Variants in RB1 observed in about 807,000 individuals in gnomAD.
RB1 encodes the protein RB transcriptional corepressor 1.
RB1 carries 18 observed loss-of-function variants against 135.4 expected under a neutral mutation model. The ratio of observed to expected loss-of-function variants is 0.13; its 90% CI spans 0.09 to 0.20. RB1 has a LOEUF of 0.20. Ranked by LOEUF, RB1 falls within the 10% of genes least tolerant of loss-of-function variation. The pLI, the probability that RB1 is intolerant of heterozygous loss-of-function variation, is 1.00. For synonymous variants in RB1, 365 were observed against 373.2 expected (o/e 0.98, Z 0.25); for missense variants, 868 against 1,110.0 (o/e 0.78, Z 3.10).
At chr13:48,463,633 C>G (rs1949418803) in intron 20 of RB1, 98 bp from the exon 21 acceptor site, 4 of 803,820 alleles carry the variant, frequency 5.0e-6, no homozygotes, top group Admixed American at 3.8e-5. Flanking sequence ...GTAGATTAAA[C>G]CTTTCTTTTT....
intron 8 of RB1, among the ~76,000 whole-genome samples, chr13:48,363,625 TG>T (rs1952664497): frequency 6.6e-6 from 1 of 152,192 alleles, no homozygotes; most frequent in African/African-American, 2.4e-5. Flanking sequence ...TTTAGTTTAG[TG>T]ATAAGTGATA....
intron 17 of RB1, among the ~76,000 whole-genome samples, chr13:48,397,197 A>G (rs893381746): frequency 6.6e-6 from 1 of 152,246 alleles, no homozygotes; most frequent in African/African-American, 2.4e-5. Flanking sequence ...ATGCACACAT[A>G]TGTTTATTGC....
chr13:48,304,005 G>A lies in RB1; in HGVS notation c.93G>A (p.Glu31=). The stretch of plus-strand genomic sequence containing the variant: ...CGCCGCCGCCGCCCCCTCCTGAGGA[G>A]GACCCAGAGCAGGACAGCGGCCCGG... ...PAPPPPPPPE[E]DPEQDSGPED... The change falls in exon 1 of 27, where the codon GAG becomes GAA. Residue 31 remains glutamate (E), a synonymous_variant. Coordinates refer to ENST00000267163, the MANE Select transcript of RB1 (RefSeq NM_000321.3). 1 of 1,496,850 alleles carries A rather than the reference G, an allele frequency of 6.7e-7. No homozygotes were observed. Among genetic ancestry groups the A allele is most frequent in the Non-Finnish European group, 8.8e-7 (1 of 1,131,436 alleles). The allele number at this position is 1,496,850 out of a possible 1,614,324, so 92.7% of individuals were successfully genotyped here. A position where few individuals can be genotyped will look rare whatever the true frequency, so the allele number is the denominator to read the frequency against.
At chr13:48,345,510 T>G (rs1001724199) in intron 4 of RB1, among the ~76,000 whole-genome samples, 2 of 152,162 alleles carry the variant, frequency 1.3e-5, no homozygotes, top group African/African-American at 4.8e-5. Context: ...AATGGTGACA[T>G]AAATTTAAAC....
At chr13:48,316,782 CACGG>C in intron 2 of RB1, 1 of 166,452 alleles carries the variant, frequency 6.0e-6, no homozygotes, top group Non-Finnish European at 1.2e-5. Flanking sequence ...CACACACACA[CACGG>C]ATACACGCAC....
chr13:48,323,150 G>T (rs1395401639), intron 2 of RB1, among the ~76,000 whole-genome samples: 2 of 151,830 alleles, frequency 1.3e-5, no homozygotes, highest in Non-Finnish European at 2.9e-5. Context: ...ATCTGGGCCT[G>T]GACTTTTCTC....
intron 21 of RB1, 42 bp from the exon 22 acceptor site, chr13:48,464,956 T>C: frequency 1.4e-6 from 2 of 1,433,050 alleles, no homozygotes; most frequent in Non-Finnish European, 1.9e-6. Context: ...AAGTAAATTT[T>C]ACTTTTTTTT....
At chr13:48,474,281 A>G (rs867926614) in intron 24 of RB1, among the ~76,000 whole-genome samples, 2 of 152,054 alleles carry the variant, frequency 1.3e-5, no homozygotes, top group South Asian at 2.1e-4. Flanking sequence ...CCAAGCTTCT[A>G]CTCAAGACTT....
intron 23 of RB1, among the ~76,000 whole-genome samples, chr13:48,466,017 A>G (rs1949440900): frequency 6.7e-6 from 1 of 148,856 alleles, no homozygotes. Flanking sequence ...GCTTAGGTAA[A>G]CAAAGCAGCC....
At chr13:48,314,084 T>C (rs918602409) in intron 2 of RB1, among the ~76,000 whole-genome samples, 1 of 152,180 alleles carries the variant, frequency 6.6e-6, no homozygotes, top group Non-Finnish European at 1.5e-5. Context: ...TACTGTTTTG[T>C]AGTATGTTTT....
chr13:48,381,485 T>G (rs879612677), intron 17 of RB1, 42 bp downstream of exon 17: 10 of 1,579,346 alleles, frequency 6.3e-6, no homozygotes, highest in Non-Finnish European at 7.8e-6. Context: ...CATGTGCATA[T>G]GGCTAACAAA....
At chr13:48,411,795 G>A (rs1566211795) in intron 17 of RB1, 1 of 1,612,786 alleles carries the variant, frequency 6.2e-7, no homozygotes, top group Non-Finnish European at 8.5e-7. Context: ...TTTGGTTAAA[G>A]TTTTTAGCAC....
At chr13:48,312,147 A>G (rs1354271647) in intron 2 of RB1, among the ~76,000 whole-genome samples, 1 of 152,164 alleles carries the variant, frequency 6.6e-6, no homozygotes, top group Admixed American at 6.5e-5. Flanking sequence ...CCACATATCG[A>G]TTCCACTTTT....
intron 11 of RB1, among the ~76,000 whole-genome samples, chr13:48,370,264 CTT>C (rs886255618): frequency 1.3e-5 from 2 of 152,154 alleles, no homozygotes; most frequent in African/African-American, 4.8e-5. Flanking sequence ...ACACAGAAGA[CTT>C]TTGTGACCAA....
At chr13:48,342,312 A>G (rs1003675932) in intron 2 of RB1, among the ~76,000 whole-genome samples, 1 of 151,952 alleles carries the variant, frequency 6.6e-6, no homozygotes, top group Non-Finnish European at 1.5e-5. Context: ...AAATGAAACT[A>G]TTTTGAGGAA....
intron 17 of RB1, among the ~76,000 whole-genome samples, chr13:48,430,648 G>A (rs1184421827): frequency 6.6e-6 from 1 of 152,206 alleles, no homozygotes; most frequent in Admixed American, 6.5e-5. Flanking sequence ...GCTGAGGCAG[G>A]AGAATGGCTT....
intron 17 of RB1, among the ~76,000 whole-genome samples, chr13:48,393,054 A>G (rs1368740386): frequency 6.6e-6 from 1 of 152,180 alleles, no homozygotes; most frequent in African/African-American, 2.4e-5. Flanking sequence ...TACTCTACTG[A>G]ATATCCCATA....
chr13:48,465,222 A>C lies in RB1; in HGVS notation c.2343A>C (p.Pro781=). ...YASTRPPTLS[P]IPHIPRSPYK... ...TGCTCTAGCCCCCTACCTTGTCACC[A>C]ATACCTCACATTCCTCGAAGCCCTT... The change falls in exon 23 of 27, where the codon CCA becomes CCC. Residue 781 remains proline (P), a synonymous_variant. Coordinates refer to ENST00000267163, the MANE Select transcript of RB1 (RefSeq NM_000321.3). 1.2e-6 allele frequency: 2 copies of C among 1,613,988 alleles called. No homozygotes were observed. The highest frequency in any genetic ancestry group is 1.7e-6 in the Non-Finnish European group (2 of 1,179,948).
chr13:48,339,188 G>A (rs542391420), intron 2 of RB1, among the ~76,000 whole-genome samples: 17 of 152,266 alleles, frequency 1.1e-4, no homozygotes, highest in Admixed American at 5.9e-4. Flanking sequence ...GAACCACTAC[G>A]CTCTTCAAAG....
Sources: gnomAD v4.1 joint callset for allele counts (sites outside exome capture counted in the v4.1 genomes callset) on GRCh38, gnomAD v4.1.1 for gene constraint, MANE v1.5 for transcripts, NCBI Gene and HGNC (gene_info 2026-07-23, HGNC 2026-07-21) for gene names.